GLT8D2: variants seen among roughly 807,000 people sequenced by gnomAD.
The protein encoded by GLT8D2 is glycosyltransferase 8 domain-containing protein 2.
A neutral mutation model predicts 44.5 loss-of-function variants in GLT8D2; 45 were observed. The observed-to-expected ratio is 1.01, with a 90% CI of 0.80 to 1.30. The LOEUF (loss-of-function observed/expected upper bound fraction) is 1.30, where lower values mean the gene tolerates loss of function less well. GLT8D2 is among the 50% of genes most tolerant of loss of function. The pLI is 0.00. For missense variants in GLT8D2, 400 were observed against 430.4 expected (o/e 0.93, Z 0.62); for synonymous variants, 156 against 157.2 (o/e 0.99, Z 0.06).
intron 5 of GLT8D2, among the ~76,000 whole-genome samples, chr12:104,000,961 T>A (rs901128899): frequency 6.6e-6 from 1 of 152,226 alleles, no homozygotes; most frequent in African/African-American, 2.4e-5. Context: ...TTTTGAATGA[T>A]CAAATAATAC....
rs1040057071 is a variant in GLT8D2 at position 104,042,792 on chromosome 12, C to A, written c.-164+7103G>T. The stretch of plus-strand genomic sequence containing the variant: ...CTAAACAAAAAAAATCACACACACA[C>A]AAAAATCTCATTATGTTTTAAGAAA... On this transcript the variant is annotated intron_variant, in intron 1 of 10. Transcript: ENST00000360814. 4.6e-5 allele frequency among the ~76,000 whole-genome samples: 7 copies of A among 152,266 alleles called. No individual in the cohort carries two copies. In the East Asian group the frequency reaches 7.7e-4, roughly 17 times the overall value.
intron 4 of GLT8D2, among the ~76,000 whole-genome samples, chr12:104,008,059 G>A (rs1053596005): frequency 1.3e-5 from 2 of 152,124 alleles, no homozygotes; most frequent in East Asian, 1.9e-4. Context: ...GCATGAAAAC[G>A]GACTAATACA....
chr12:104,051,383 T>A (rs1271934130), upstream of GLT8D2, among the ~76,000 whole-genome samples: 1 of 152,182 alleles, frequency 6.6e-6, no homozygotes, highest in African/African-American at 2.4e-5. Context: ...ATATACAAGA[T>A]GTTATCATTT....
chr12:104,020,887 G>T (rs1877537868), intron 2 of GLT8D2, among the ~76,000 whole-genome samples: 1 of 152,302 alleles, frequency 6.6e-6, no homozygotes, highest in African/African-American at 2.4e-5. Flanking sequence ...GGATGGAAGA[G>T]GTCAGAGAGG....
At chr12:103,997,679 T>C (rs1873630985) in intron 6 of GLT8D2, 144 bp from the exon 7 acceptor site, 3 of 621,860 alleles carry the variant, frequency 4.8e-6, no homozygotes, top group Admixed American at 2.8e-5. Context: ...GCAAGATGTC[T>C]CATCTGAGCT....
At chr12:104,019,118 C>CT (rs11291563) in intron 3 of GLT8D2, among the ~76,000 whole-genome samples, 3,260 of 116,450 alleles carry the variant, frequency 0.028, 87 homozygotes, top group Middle Eastern at 0.067. Flanking sequence ...ACTTCTTCTT[C>CT]TTTTTTTTTT....
At chr12:104,004,039 G>C (rs1268687761) in intron 4 of GLT8D2, among the ~76,000 whole-genome samples, 1 of 152,142 alleles carries the variant, frequency 6.6e-6, no homozygotes, top group East Asian at 1.9e-4. Flanking sequence ...CCATAATCAA[G>C]TGCGCTTCAT....
intron 5 of GLT8D2, among the ~76,000 whole-genome samples, chr12:104,000,007 T>C (rs953982182): frequency 6.6e-6 from 1 of 152,198 alleles, no homozygotes; most frequent in Non-Finnish European, 1.5e-5. Context: ...CTTCCCCATC[T>C]GTCTTCGTTC....
Position 103,999,478 on chromosome 12 carries a change from G to C in GLT8D2, c.321C>G (p.Asn107Lys). Residue 107 changes from asparagine (N) to lysine (K), a missense_variant, in exon 6 of 11, where the codon AAC becomes AAG. Coordinates refer to ENST00000360814, the MANE Select transcript of GLT8D2 (RefSeq NM_001384711.1). The part of the protein sequence containing the change: ...WIEHSKLREI[N>K]FKIVEFNPMV... ...TCGGGTTGAATTCCACGATTTTAAAGTTTATTTCTCTCAGTTTGGAATGTT... is the reference window on the plus strand; with the variant it reads ...TCGGGTTGAATTCCACGATTTTAAACTTTATTTCTCTCAGTTTGGAATGTT... 2 of 1,612,178 alleles carry C rather than the reference G, an allele frequency of 1.2e-6. No homozygotes were observed. Among genetic ancestry groups the C allele is most frequent in the East Asian group, 2.2e-5 (1 of 44,874 alleles).
intron 1 of GLT8D2, among the ~76,000 whole-genome samples, chr12:104,028,440 G>A (rs118014290): frequency 6.6e-6 from 1 of 152,282 alleles, no homozygotes; most frequent in Non-Finnish European, 1.5e-5. Flanking sequence ...ACAAGACACA[G>A]TTTCTGACTG....
intron 6 of GLT8D2, 65 bp from the exon 7 acceptor site, chr12:103,997,600 A>T: frequency 1.7e-6 from 2 of 1,153,726 alleles, no homozygotes; most frequent in Non-Finnish European, 2.6e-6. Context: ...TTCTGGGGGT[A>T]CTGGAGAGTC....
intron 10 of GLT8D2, among the ~76,000 whole-genome samples, 172 bp downstream of exon 10, chr12:103,993,220 A>G (rs1008868143): frequency 2.6e-5 from 4 of 152,234 alleles, no homozygotes; most frequent in South Asian, 4.1e-4. Context: ...AATCCCAGCT[A>G]CTCGAGATGC....
At chr12:104,049,621 C>T (rs962091134) in intron 1 of GLT8D2, 2 of 152,104 alleles carry the variant, frequency 1.3e-5, no homozygotes, top group Non-Finnish European at 2.9e-5. Flanking sequence ...AGTAAATTAT[C>T]ATATTTGTGG....
rs1234736300 is a variant in GLT8D2, at chr12:104,049,903, T to C, written c.-172A>G. The C allele has an allele frequency of 1.3e-5, 2 of 152,272 alleles. No individual in the cohort carries two copies. The highest frequency in any genetic ancestry group is 2.1e-4 in the South Asian group (1 of 4,830). The allele number at this position is 152,272 out of a possible 1,614,324, so 9.4% of individuals were successfully genotyped here. ...TAAATTTCTCTATTTACCTGGTGAATGGTGAGGGTAGGGCTTTGGGCTCCT... is the reference window on the plus strand; with the variant it reads ...TAAATTTCTCTATTTACCTGGTGAACGGTGAGGGTAGGGCTTTGGGCTCCT... On this transcript the variant is annotated 5_prime_UTR_variant, in exon 1 of 11. Coordinates refer to ENST00000360814, the MANE Select transcript of GLT8D2 (RefSeq NM_001384711.1).
intron 1 of GLT8D2, among the ~76,000 whole-genome samples, chr12:104,055,253 A>G (rs1046961916): frequency 5.3e-5 from 8 of 152,344 alleles, no homozygotes; most frequent in African/African-American, 9.6e-5. Context: ...ACCAAATCCA[A>G]CTAGAAGTCA....
chr12:104,003,343 G>T, intron 4 of GLT8D2, 37 bp from the exon 5 acceptor site: 1 of 1,589,344 alleles, frequency 6.3e-7, no homozygotes, highest in East Asian at 2.2e-5. Flanking sequence ...GAACATGAAA[G>T]AATTTCACAG....
At chr12:104,013,983 A>T (rs1876198534) in intron 4 of GLT8D2, among the ~76,000 whole-genome samples, 2 of 152,170 alleles carry the variant, frequency 1.3e-5, no homozygotes, top group African/African-American at 4.8e-5. Context: ...GACTCAAGTG[A>T]TCCTCCCGCC....
At chr12:104,052,713 T>C (rs1410770331), upstream of GLT8D2, among the ~76,000 whole-genome samples, 1 of 152,130 alleles carries the variant, frequency 6.6e-6, no homozygotes, top group African/African-American at 2.4e-5. Flanking sequence ...CTTGACATGA[T>C]GCCCCTCCTC....
chr12:104,026,474 C>T (rs575840167), intron 1 of GLT8D2, among the ~76,000 whole-genome samples: 9 of 152,172 alleles, frequency 5.9e-5, no homozygotes, highest in Admixed American at 2.6e-4. Context: ...CCTCTATTCT[C>T]GAAATATACC....
Sources: gnomAD v4.1 joint callset for allele counts (sites outside exome capture counted in the v4.1 genomes callset) on GRCh38, gnomAD v4.1.1 for gene constraint, MANE v1.5 for transcripts, NCBI Gene and HGNC (gene_info 2026-07-23, HGNC 2026-07-21) for gene names.